Variants in CHRNB2 observed in about 807,000 individuals in gnomAD.
CHRNB2 encodes neuronal acetylcholine receptor subunit beta-2.
Under a neutral mutation model 42.7 loss-of-function variants are expected in CHRNB2, and 33 were observed. The ratio of observed to expected loss-of-function variants is 0.77; its 90% CI spans 0.59 to 1.03. The LOEUF (loss-of-function observed/expected upper bound fraction) is 1.03. CHRNB2 is among the 50% of genes least tolerant of loss of function. The pLI is 0.00. For synonymous variants in CHRNB2, 325 were observed against 292.9 expected, an observed-to-expected ratio of 1.11 and a Z score of -1.12; for missense variants, 603 against 700.9, an observed-to-expected ratio of 0.86 and a Z score of 1.58.
At chr1:154,570,564 C>T (rs1463314509) in intron 4 of CHRNB2, among the ~76,000 whole-genome samples, 197 bp downstream of exon 4, 3 of 152,044 alleles carry the variant, frequency 2.0e-5, no homozygotes, top group Non-Finnish European at 4.4e-5. Flanking sequence ...AATGACCAGC[C>T]CACTCCCAGC....
chr1:154,567,988 T>G lies in CHRNB2; in HGVS notation c.-57T>G, dbSNP rs925811474. On this transcript the variant is annotated 5_prime_UTR_variant, in exon 1 of 6. Transcript: ENST00000368476. The stretch of plus-strand genomic sequence containing the variant: ...ACGGACAGCGCCCCACCCGCGGCCC[T>G]CCCCCCGGCGGCGCGCTCCAGCCGG... The G allele has an allele frequency of 1.4e-6, 2 of 1,449,850 alleles. No individual in the cohort carries two copies. The highest frequency in any genetic ancestry group is 3.0e-5 in the African/African-American group (2 of 67,564). The allele number at this position is 1,449,850 out of a possible 1,614,324, so 89.8% of individuals were successfully genotyped here. A position where few individuals can be genotyped will look rare whatever the true frequency, so the allele number is the denominator to read the frequency against.
chr1:154,568,581 G>T (rs1424457095), intron 1 of CHRNB2, among the ~76,000 whole-genome samples: 2 of 152,156 alleles, frequency 1.3e-5, no homozygotes, highest in Non-Finnish European at 2.9e-5. Context: ...CAGAGAAGGG[G>T]AGAAAACGGA....
chr1:154,572,237 G>A (rs1696189469), intron 5 of CHRNB2, 76 bp downstream of exon 5: 1 of 1,530,546 alleles, frequency 6.5e-7, no homozygotes, highest in Non-Finnish European at 8.7e-7. Flanking sequence ...AAGCAGCGGC[G>A]TTCTATAGAC....
chr1:154,575,801 C>T lies in CHRNB2; in HGVS notation c.1378C>T (p.Arg460Cys), dbSNP rs202079239. The change falls in exon 6 of 6, where the codon CGC (arginine) becomes TGC (cysteine). Residue 460 changes from arginine (R) to cysteine (C), a missense_variant. Arg to Cys is a radical substitution (Grantham distance 180, BLOSUM62 -3). This residue lies in a region of CHRNB2 where 270 missense variants were observed against 248.3 expected (regional missense o/e 1.09). Coordinates refer to ENST00000368476, the MANE Select transcript of CHRNB2 (RefSeq NM_000748.3). ...DWKYVAMVID[R>C]LFLWIFVFVC... ...GAAGTACGTCGCCATGGTGATCGAC[C>T]GCCTCTTCCTCTGGATCTTTGTCTT... 1.5e-5 allele frequency: 25 copies of T among 1,613,996 alleles called. No individual in the cohort carries two copies. Among genetic ancestry groups the T allele is most frequent in the South Asian group, 2.2e-5 (2 of 91,080 alleles).
At chr1:154,573,076 G>C (rs1696208985) in intron 5 of CHRNB2, among the ~76,000 whole-genome samples, 2 of 152,200 alleles carry the variant, frequency 1.3e-5, no homozygotes, top group Admixed American at 6.5e-5. Context: ...GGATGAAGAA[G>C]GGCACTGCGG....
rs1696284000 is a variant in CHRNB2 at position 154,576,566 on chromosome 1, C to A, written c.*634C>A. ...CCACAGCCCCTTGCTTCTAAGGGAT[C>A]CAGAGACCTGCTCCAGATCCTCTTT... is the stretch of plus-strand genomic sequence containing the variant. On this transcript the variant is annotated 3_prime_UTR_variant, in exon 6 of 6. Coordinates refer to ENST00000368476, the MANE Select transcript of CHRNB2 (RefSeq NM_000748.3). The A allele has an allele frequency of 6.1e-6, 1 of 164,970 alleles. No homozygotes were observed. The highest frequency in any genetic ancestry group is 2.4e-5 in the African/African-American group (1 of 41,638). The allele number at this position is 164,970 out of a possible 1,614,324, so 10.2% of individuals were successfully genotyped here. A position where few individuals can be genotyped will look rare whatever the true frequency, so the allele number is the denominator to read the frequency against.
In CHRNB2 at chr1:154,576,006, G is replaced by A. The variant is rs199747394; in HGVS notation, c.*74G>A. ...CAGTAGTGTTGGGTGGAGGATGGAC[G>A]AGTGAGCTACCAGGAAGAGGGGCGC... On this transcript the variant is annotated 3_prime_UTR_variant, in exon 6 of 6. Transcript: ENST00000368476. 1.9e-5 allele frequency: 30 copies of A among 1,583,034 alleles called. No individual in the cohort carries two copies. Among genetic ancestry groups the A allele is most frequent in the South Asian group, 1.0e-4 (9 of 90,228 alleles).
At position 154,571,047 on chromosome 1, in the gene CHRNB2, C is replaced by T; in HGVS notation, c.366-142C>T. 6.7e-7 allele frequency: 1 copy of T among 1,486,328 alleles called. No homozygotes were observed. The highest frequency in any genetic ancestry group is 9.2e-7 in the Non-Finnish European group (1 of 1,083,200). The allele number at this position is 1,486,328 out of a possible 1,614,324, so 92.1% of individuals were successfully genotyped here. Reference sequence around the variant, plus strand: ...TCTTGCTCAATTCCACCTCTCTATACTCCTGGATGGTTACTCTCAGATCTG... The same window carrying T: ...TCTTGCTCAATTCCACCTCTCTATATTCCTGGATGGTTACTCTCAGATCTG... On this transcript the variant is annotated intron_variant, in intron 4 of 5. Coordinates refer to ENST00000368476, the MANE Select transcript of CHRNB2 (RefSeq NM_000748.3). The surrounding 1 kb of genome is among the most constrained non-coding windows in gnomAD (Gnocchi z 6.8).
Position 154,576,101 on chromosome 1 carries a change from C to A in CHRNB2, c.*169C>A. On this transcript the variant is annotated 3_prime_UTR_variant, in exon 6 of 6. Transcript: ENST00000368476. ...CCCCCACGCCTCCATCCACACACAGCAGCTCCAACCTGGAGGCTGGACCAA... is the reference window on the plus strand; with the variant it reads ...CCCCCACGCCTCCATCCACACACAGAAGCTCCAACCTGGAGGCTGGACCAA... 1 of 781,276 alleles carries A rather than the reference C, an allele frequency of 1.3e-6. No homozygotes were observed. 48.4% of individuals were successfully genotyped at this position (781,276 alleles called of 1,614,324 possible).
At position 154,569,851 on chromosome 1, in the gene CHRNB2, T is replaced by G. The variant is rs374367624; in HGVS notation, c.255+15T>G. ...GGCTGACCCAGGTAAGCGTAAGTGC[T>G]CTCTTCCACCCACACCCCTGGCCTT... On this transcript the variant is annotated intron_variant, in intron 3 of 5. Coordinates refer to ENST00000368476, the MANE Select transcript of CHRNB2 (RefSeq NM_000748.3). 6.2e-6 allele frequency: 10 copies of G among 1,613,970 alleles called. No homozygotes were observed. The highest frequency in any genetic ancestry group is 1.7e-5 in the Admixed American group (1 of 60,004).
rs773925132 is a variant in CHRNB2, at chr1:154,571,126, G to A, written c.366-63G>A. 174 of 1,612,456 alleles carry A rather than the reference G, an allele frequency of 1.1e-4. No individual in the cohort carries two copies. The highest frequency in any genetic ancestry group is 1.3e-4 in the Non-Finnish European group (157 of 1,179,982). ...TTTTGCTCTCCTCCCATTAGGGGCTGGGTTGATGGGTAAGGAGGAAGGAAC... is the reference window on the plus strand; with the variant it reads ...TTTTGCTCTCCTCCCATTAGGGGCTAGGTTGATGGGTAAGGAGGAAGGAAC... On this transcript the variant is annotated intron_variant, in intron 4 of 5. Coordinates refer to ENST00000368476, the MANE Select transcript of CHRNB2 (RefSeq NM_000748.3). This position sits in a 1 kb window ranked among gnomAD's most constrained non-coding sequence, Gnocchi z 6.8.
chr1:154,571,120 G>A lies in CHRNB2; in HGVS notation c.366-69G>A, dbSNP rs959398592. 2 of 1,612,166 alleles carry A rather than the reference G, an allele frequency of 1.2e-6. No homozygotes were observed. Among genetic ancestry groups the A allele is most frequent in the Admixed American group, 1.7e-5 (1 of 60,006 alleles). ...CTCTGGTTTTGCTCTCCTCCCATTA[G>A]GGGCTGGGTTGATGGGTAAGGAGGA... On this transcript the variant is annotated intron_variant, in intron 4 of 5. Coordinates refer to ENST00000368476, the MANE Select transcript of CHRNB2 (RefSeq NM_000748.3). The surrounding 1 kb of genome is among the most constrained non-coding windows in gnomAD (Gnocchi z 6.8).
In CHRNB2 at chr1:154,577,640, A is replaced by G. The variant is rs769571155; in HGVS notation, c.*1708A>G. ...GTCTGACAGGCAACTGGAGCTGGTG[A>G]GAATGGGGTCCCCTGACTGTCATGC... On this transcript the variant is annotated 3_prime_UTR_variant, in exon 6 of 6. Transcript: ENST00000368476. 1 of 152,342 alleles carries G rather than the reference A, an allele frequency of 6.6e-6. No homozygotes were observed. The highest frequency in any genetic ancestry group is 1.5e-5 in the Non-Finnish European group (1 of 68,160). 9.4% of individuals were successfully genotyped at this position (152,342 alleles called of 1,614,324 possible). A position where few individuals can be genotyped will look rare whatever the true frequency, so the allele number is the denominator to read the frequency against.
At position 154,575,747 on chromosome 1, in the gene CHRNB2, GTCTCCTCCAT is replaced by G. The variant is rs770206822; in HGVS notation, c.1339-14_1339-5del. Reference sequence around the variant, plus strand: ...GCATCATGTGACCTGGGCCTCCTCCGTCTCCTCCATCCAGGTGAGTGAGGACTGGAAGTAC... The same window carrying G: ...GCATCATGTGACCTGGGCCTCCTCCGCCAGGTGAGTGAGGACTGGAAGTAC... On this transcript the variant is annotated splice_polypyrimidine_tract_variant and splice_region_variant and intron_variant, in intron 5 of 5. Transcript: ENST00000368476. 1 of 1,613,966 alleles carries G rather than the reference GTCTCCTCCAT, an allele frequency of 6.2e-7. No homozygotes were observed. Among genetic ancestry groups the G allele is most frequent in the Non-Finnish European group, 8.5e-7 (1 of 1,179,954 alleles).
rs1696361183 is a variant in CHRNB2, at chr1:154,579,968, CTG to C, written c.*4037_*4038del. 6.6e-6 allele frequency: 1 copy of C among 152,280 alleles called. No individual in the cohort carries two copies. Among genetic ancestry groups the C allele is most frequent in the Non-Finnish European group, 1.5e-5 (1 of 68,082 alleles). 9.4% of individuals were successfully genotyped at this position (152,280 alleles called of 1,614,324 possible). A position where few individuals can be genotyped will look rare whatever the true frequency, so the allele number is the denominator to read the frequency against. ...GGAAAAAGGGAGAATGCTGGAGAAA[CTG>C]GACTCGTGAGAGCTTAAAGACATCA... On this transcript the variant is annotated 3_prime_UTR_variant, in exon 6 of 6. Transcript: ENST00000368476.
rs1212391512 is a variant in CHRNB2, at chr1:154,571,963, A to G, written c.1140A>G (p.Glu380=). 3 of 1,542,558 alleles carry G rather than the reference A, an allele frequency of 1.9e-6. No individual in the cohort carries two copies. The change falls in exon 5 of 6, where the codon GAA becomes GAG. Residue 380 remains glutamate (E), a synonymous_variant. Transcript: ENST00000368476. The surrounding 1 kb of genome is among the most constrained non-coding windows in gnomAD (Gnocchi z 6.8). ...REGAGALFFR[E]APGADSCTCF... ...GCGCTGGAGCCCTCTTCTTCCGCGA[A>G]GCCCCAGGGGCCGACTCCTGCACGT...
At chr1:154,570,469 G>C in intron 4 of CHRNB2, 102 bp downstream of exon 4, 3 of 747,228 alleles carry the variant, frequency 4.0e-6, no homozygotes, top group Non-Finnish European at 4.7e-6. Flanking sequence ...GGAGGGGAGG[G>C]ACTTATAATA....
chr1:154,576,319 G>T lies in CHRNB2; in HGVS notation c.*387G>T. 2.8e-6 allele frequency: 1 copy of T among 353,266 alleles called. No individual in the cohort carries two copies. Among genetic ancestry groups the T allele is most frequent in the South Asian group, 2.3e-5 (1 of 43,420 alleles). 21.9% of individuals were successfully genotyped at this position (353,266 alleles called of 1,614,324 possible). A position where few individuals can be genotyped will look rare whatever the true frequency, so the allele number is the denominator to read the frequency against. The stretch of plus-strand genomic sequence containing the variant: ...TGGGAGAAGAGGGGTATAGGACAAG[G>T]GGTGGAAGGGCAGGAGCTCACACCG... On this transcript the variant is annotated 3_prime_UTR_variant, in exon 6 of 6. Coordinates refer to ENST00000368476, the MANE Select transcript of CHRNB2 (RefSeq NM_000748.3).
At position 154,575,680 on chromosome 1, in the gene CHRNB2, C is replaced by T. The variant is rs1442021529; in HGVS notation, c.1339-82C>T. 11 of 1,358,460 alleles carry T rather than the reference C, an allele frequency of 8.1e-6. No individual in the cohort carries two copies. The East Asian group carries it at 2.3e-4, about 28-fold the overall frequency. The allele number at this position is 1,358,460 out of a possible 1,614,324, so 84.2% of individuals were successfully genotyped here. On this transcript the variant is annotated intron_variant, in intron 5 of 5. Transcript: ENST00000368476. ...TGCAGGAGAGGAGTGGGGTGTGTGT[C>T]TGTGTGGTGGGACCCGCTTATACTC...
Sources: gnomAD v4.1 joint callset for allele counts (sites outside exome capture counted in the v4.1 genomes callset) on GRCh38, gnomAD v4.1.1 for gene constraint, gnomAD v4.1.1 regional missense constraint, Gnocchi (gnomAD v3.1) non-coding constraint, MANE v1.5 for transcripts, NCBI Gene and HGNC (gene_info 2026-07-23, HGNC 2026-07-21) for gene names.